The following MAST1 variants were observed in gnomAD, a reference collection of about 807,000 sequenced individuals.
MAST1 encodes microtubule associated serine/threonine kinase 1.
MAST1 carries 40 observed loss-of-function variants against 124.6 expected under a neutral mutation model. The ratio of observed to expected loss-of-function variants is 0.32; its 90% CI spans 0.25 to 0.42. The LOEUF (loss-of-function observed/expected upper bound fraction) is 0.42, where lower values mean the gene tolerates loss of function less well. Among genes scored for constraint, MAST1 ranks in the 10% least tolerant of loss-of-function variants. MAST1 has a pLI of 1.00. For missense variants in MAST1, 1,558 were observed against 2,181.9 expected, an observed-to-expected ratio of 0.71 and a Z score of 5.70; for synonymous variants, 938 against 939.4, an observed-to-expected ratio of 1.00 and a Z score of 0.03.
Position 12,874,299 on chromosome 19 carries a change from C to A in MAST1, c.4142C>A (p.Thr1381Asn). Reference sequence around the variant, plus strand: ...CGCGCGACGACCCCCGGTGGCCGGACCCTGGAGCGGGACGTCGGCTGCACG... The same window carrying A: ...CGCGCGACGACCCCCGGTGGCCGGAACCTGGAGCGGGACGTCGGCTGCACG... ...PPRATTPGGRTLERDVGCTRH... is the reference protein window; with the variant it reads ...PPRATTPGGRNLERDVGCTRH... Residue 1381 changes from threonine (T) to asparagine (N), a missense_variant, in exon 26 of 26, where the codon ACC (threonine) becomes AAC (asparagine). Physicochemically the swap from Thr to Asn is moderately conservative, Grantham distance 65. This residue lies in a region of MAST1 where 263 missense variants were observed against 310.9 expected (regional missense o/e 0.85). Coordinates refer to ENST00000251472, the MANE Select transcript of MAST1 (RefSeq NM_014975.3). The surrounding 1 kb of genome is among the most constrained non-coding windows in gnomAD (Gnocchi z 6.6). 6.3e-7 allele frequency: 1 copy of A among 1,593,760 alleles called. No individual in the cohort carries two copies. The highest frequency in any genetic ancestry group is 8.5e-7 in the Non-Finnish European group (1 of 1,176,206).
chr19:12,867,641 C>T lies in MAST1; in HGVS notation c.2307C>T (p.Gly769=), dbSNP rs758545036. 31 of 1,598,584 alleles carry T rather than the reference C, an allele frequency of 1.9e-5. No individual in the cohort carries two copies. In the South Asian group the frequency reaches 2.9e-4, roughly 15 times the overall value. Residue 769 remains glycine, a synonymous_variant, in exon 19 of 26, where the codon GGC becomes GGT. Coordinates refer to ENST00000251472, the MANE Select transcript of MAST1 (RefSeq NM_014975.3). ...LTLREKTWRG[G]SPEIKRFSAS... ...TGCGTGAGAAGACCTGGAGAGGGGG[C>T]TCTCCGGAGATGTGAGCAGGGGAAT...
intron 24 of MAST1, among the ~76,000 whole-genome samples, chr19:12,872,984 C>T (rs1230514584): frequency 6.6e-6 from 1 of 150,896 alleles, no homozygotes; most frequent in African/African-American, 2.4e-5. Context: ...TGGGCGGGGC[C>T]TGAAGTAGGA....
rs1362937905 is a variant in MAST1, at chr19:12,865,524, C to A, written c.1804+43C>A. The A allele has an allele frequency of 6.5e-7, 1 of 1,539,636 alleles. No homozygotes were observed. Among genetic ancestry groups the A allele is most frequent in the Non-Finnish European group, 8.7e-7 (1 of 1,143,234 alleles). Reference sequence around the variant, plus strand: ...GTACAGGGGCAGAGTGTGGTGTGCACGGAGAGATGGACAGGCTCAGGGTTC... The same window carrying A: ...GTACAGGGGCAGAGTGTGGTGTGCAAGGAGAGATGGACAGGCTCAGGGTTC... On this transcript the variant is annotated intron_variant, in intron 15 of 25. Transcript: ENST00000251472. This position sits in a 1 kb window ranked among gnomAD's most constrained non-coding sequence, Gnocchi z 7.1.
In MAST1 at chr19:12,838,744, T is replaced by A; in HGVS notation, c.83+89T>A. The A allele has an allele frequency of 8.3e-7, 1 of 1,200,634 alleles. No individual in the cohort carries two copies. Among genetic ancestry groups the A allele is most frequent in the Non-Finnish European group, 1.1e-6 (1 of 869,594 alleles). 74.4% of individuals were successfully genotyped at this position (1,200,634 alleles called of 1,614,324 possible). On this transcript the variant is annotated intron_variant, in intron 1 of 25. Transcript: ENST00000251472. This position sits in a 1 kb window ranked among gnomAD's most constrained non-coding sequence, Gnocchi z 4.3. ...TGCTGCAGGGCGGGGCCCGGGATGCTGCGCCCGGTCCAGCTGCGCCAGAGG... is the reference window on the plus strand; with the variant it reads ...TGCTGCAGGGCGGGGCCCGGGATGCAGCGCCCGGTCCAGCTGCGCCAGAGG...
At chr19:12,872,368 C>T (rs563775063) in intron 24 of MAST1, among the ~76,000 whole-genome samples, 2 of 152,204 alleles carry the variant, frequency 1.3e-5, no homozygotes, top group Non-Finnish European at 2.9e-5. Context: ...TACATTTCTT[C>T]CCACTCTTAT....
intron 10 of MAST1, among the ~76,000 whole-genome samples, chr19:12,852,988 G>A (rs1969981126): frequency 6.7e-6 from 1 of 149,122 alleles, no homozygotes; most frequent in Non-Finnish European, 1.5e-5. Flanking sequence ...TTTATTTTTT[G>A]AGATGGAGTT....
chr19:12,865,940 G>T lies in MAST1; in HGVS notation c.1907-40G>T, dbSNP rs1261563931. The T allele has an allele frequency of 1.2e-5, 19 of 1,613,268 alleles. No homozygotes were observed. Among genetic ancestry groups the T allele is most frequent in the Non-Finnish European group, 1.6e-5 (19 of 1,179,804 alleles). On this transcript the variant is annotated intron_variant, in intron 16 of 25. Transcript: ENST00000251472. This position sits in a 1 kb window ranked among gnomAD's most constrained non-coding sequence, Gnocchi z 7.1. ...CATGGGGGGCGGGGCTGGGCTGCTG[G>T]GTTGGCCATCAGCTGTGGCTGGAAT...
In MAST1 at chr19:12,843,365, G is replaced by A. The variant is rs1381589808; in HGVS notation, c.249-164G>A. ...CAATTCCCGGTGCCTGCCTGGAAGA[G>A]TCCCTCTTTATCCCCTTGATTCTGA... is the stretch of plus-strand genomic sequence containing the variant. On this transcript the variant is annotated intron_variant, in intron 3 of 25. Coordinates refer to ENST00000251472, the MANE Select transcript of MAST1 (RefSeq NM_014975.3). The surrounding 1 kb of genome is among the most constrained non-coding windows in gnomAD (Gnocchi z 4.9). 6.6e-6 allele frequency among the ~76,000 whole-genome samples: 1 copy of A among 152,086 alleles called. No homozygotes were observed. The highest frequency in any genetic ancestry group is 1.5e-5 in the Non-Finnish European group (1 of 67,986).
At chr19:12,851,527 C>T (rs1236618337) in intron 7 of MAST1, among the ~76,000 whole-genome samples, 1 of 152,098 alleles carries the variant, frequency 6.6e-6, no homozygotes, top group African/African-American at 2.4e-5. Context: ...CGCTGTGTCA[C>T]CCAGGCTGGA....
At chr19:12,871,638 G>T (rs1291628838) in intron 24 of MAST1, among the ~76,000 whole-genome samples, 1 of 151,604 alleles carries the variant, frequency 6.6e-6, no homozygotes, top group Non-Finnish European at 1.5e-5. Context: ...AACAAAAAAA[G>T]AGGGGCTGGG....
chr19:12,860,446 CTT>C (rs397956908), intron 12 of MAST1, among the ~76,000 whole-genome samples: 5 of 116,548 alleles, frequency 4.3e-5, no homozygotes, highest in Non-Finnish European at 3.4e-5. Context: ...TTCTTTCTTT[CTT>C]TTTTTTTTTT....
At position 12,843,629 on chromosome 19, in the gene MAST1, G is replaced by A; in HGVS notation, c.327+22G>A. On this transcript the variant is annotated intron_variant, in intron 4 of 25. Coordinates refer to ENST00000251472, the MANE Select transcript of MAST1 (RefSeq NM_014975.3). This position sits in a 1 kb window ranked among gnomAD's most constrained non-coding sequence, Gnocchi z 4.9. ...CTCGGTGAGTGTGGAAAGTAGGTGG[G>A]TGGGCCGGTGGGTAAGGAATTCAGG... 6.2e-7 allele frequency: 1 copy of A among 1,607,304 alleles called. No homozygotes were observed. Among genetic ancestry groups the A allele is most frequent in the Non-Finnish European group, 8.5e-7 (1 of 1,175,728 alleles).
intron 12 of MAST1, among the ~76,000 whole-genome samples, chr19:12,860,419 A>T (rs73505308): frequency 0.052 from 7,698 of 146,962 alleles, 687 homozygotes; most frequent in African/African-American, 0.18. Context: ...CCCGGCTTAT[A>T]CACCTATTTT....
At chr19:12,861,914 G>A (rs1028221365) in intron 12 of MAST1, among the ~76,000 whole-genome samples, 11 of 151,406 alleles carry the variant, frequency 7.3e-5, no homozygotes, top group African/African-American at 2.7e-4. Flanking sequence ...TGTTGGTCAG[G>A]CTGGTCTCAA....
intron 10 of MAST1, among the ~76,000 whole-genome samples, chr19:12,855,971 T>C (rs2145898936): frequency 6.6e-6 from 1 of 152,120 alleles, no homozygotes; most frequent in Non-Finnish European, 1.5e-5. Flanking sequence ...TTTTGGTTTT[T>C]ATTTGATTAT....
In MAST1 at chr19:12,847,383, G is replaced by C. The variant is rs1446905098; in HGVS notation, c.421G>C (p.Glu141Gln). 1.2e-6 allele frequency: 2 copies of C among 1,613,948 alleles called. No homozygotes were observed. The highest frequency in any genetic ancestry group is 1.7e-6 in the Non-Finnish European group (2 of 1,180,036). Reference protein sequence around the residue: ...HFLSKHFGSTESITDEDGGRR... With the variant: ...HFLSKHFGSTQSITDEDGGRR... ...CCTCTCCAAACACTTCGGGAGCACC[G>C]AGAGCATCACAGACGAGGATGGTGG... Residue 141 changes from glutamate to glutamine, a missense_variant, in exon 5 of 26, where the codon GAG (glutamate) becomes CAG (glutamine). By Grantham distance (29) the Glu-to-Gln change is conservative. Transcript: ENST00000251472. The surrounding 1 kb of genome is among the most constrained non-coding windows in gnomAD (Gnocchi z 5.5).
Position 12,874,613 on chromosome 19 carries a change from G to A in MAST1, c.4456G>A (p.Glu1486Lys), listed in dbSNP as rs773000222. Reference protein sequence around the residue: ...GRERWVLEVVEERTTLSGPRS... With the variant: ...GRERWVLEVVKERTTLSGPRS... ...GGAGCGCTGGGTGTTGGAGGTGGTG[G>A]AGGAGCGCACCACGCTGAGCGGTCC... is the stretch of plus-strand genomic sequence containing the variant. Residue 1486 changes from glutamate (E) to lysine (K), a missense_variant, in exon 26 of 26, where the codon GAG (glutamate) becomes AAG (lysine). Coordinates refer to ENST00000251472, the MANE Select transcript of MAST1 (RefSeq NM_014975.3). The surrounding 1 kb of genome is among the most constrained non-coding windows in gnomAD (Gnocchi z 6.6). The A allele has an allele frequency of 1.1e-5, 17 of 1,512,910 alleles. No homozygotes were observed. The East Asian group carries it at 3.7e-4, about 33-fold the overall frequency. The allele number at this position is 1,512,910 out of a possible 1,614,324, so 93.7% of individuals were successfully genotyped here.
chr19:12,867,603 G>A lies in MAST1; in HGVS notation c.2269G>A (p.Gly757Ser). 6.2e-7 allele frequency: 1 copy of A among 1,612,664 alleles called. No individual in the cohort carries two copies. Among genetic ancestry groups the A allele is most frequent in the Non-Finnish European group, 8.5e-7 (1 of 1,179,390 alleles). Residue 757 changes from glycine to serine, a missense_variant, in exon 19 of 26, where the codon GGC (glycine) becomes AGC (serine). Physicochemically the swap from Gly to Ser is moderately conservative, Grantham distance 56. This residue lies in a region of MAST1 where 287 missense variants were observed against 308.0 expected (regional missense o/e 0.93). Transcript: ENST00000251472. ...GGTGGCCGGCAAGCGGGAGGGGCTG[G>A]GCGGCCTGACCCTGCGTGAGAAGAC... ...EKVAGKREGLGGLTLREKTWR... is the reference protein window; with the variant it reads ...EKVAGKREGLSGLTLREKTWR...
Position 12,847,116 on chromosome 19 carries a change from C to T in MAST1, c.328-174C>T, listed in dbSNP as rs1458183916. On this transcript the variant is annotated intron_variant, in intron 4 of 25. Coordinates refer to ENST00000251472, the MANE Select transcript of MAST1 (RefSeq NM_014975.3). The surrounding 1 kb of genome is among the most constrained non-coding windows in gnomAD (Gnocchi z 5.5). ...GTCTCCACCCCTGTCTGTCCCTGTC[C>T]ACCTGTCTGTGGCCAAGAGTCCCAG... The T allele has an allele frequency of 5.0e-6, 3 of 600,022 alleles. No individual in the cohort carries two copies. The highest frequency in any genetic ancestry group is 1.9e-5 in the African/African-American group (1 of 53,712). The allele number at this position is 600,022 out of a possible 1,614,324, so 37.2% of individuals were successfully genotyped here.
Sources: gnomAD v4.1 joint callset for allele counts (sites outside exome capture counted in the v4.1 genomes callset) on GRCh38, gnomAD v4.1.1 for gene constraint, gnomAD v4.1.1 regional missense constraint, Gnocchi (gnomAD v3.1) non-coding constraint, MANE v1.5 for transcripts, NCBI Gene and HGNC (gene_info 2026-07-23, HGNC 2026-07-21) for gene names.